Variants in ALK observed in about 807,000 individuals in gnomAD.
ALK encodes the protein ALK tyrosine kinase receptor.
A neutral mutation model predicts 163.1 loss-of-function variants in ALK; 74 were observed. That is an observed-to-expected ratio of 0.45 (90% CI 0.38 to 0.55). The LOEUF (loss-of-function observed/expected upper bound fraction) is 0.55. Among genes scored for constraint, ALK ranks in the 20% least tolerant of loss-of-function variants. The pLI, the probability that ALK is intolerant of heterozygous loss-of-function variation, is 0.00. For synonymous variants in ALK, 960 were observed against 843.2 expected, an observed-to-expected ratio of 1.14 and a Z score of -2.40; for missense variants, 2,063 against 2,105.3, an observed-to-expected ratio of 0.98 and a Z score of 0.39.
Position 29,193,623 on chromosome 2 carries a change from C to T in ALK, c.4464G>A (p.Glu1488=), listed in dbSNP as rs768683195. ...MAFSQSNPPS[E]LHKVHGSRNK... Reference sequence around the variant, plus strand: ...TTCTGGATCCGTGGACCTTGTGCAACTCCGAAGGAGGGTTGGACTGAGAGA... The same window carrying T: ...TTCTGGATCCGTGGACCTTGTGCAATTCCGAAGGAGGGTTGGACTGAGAGA... The change falls in exon 29 of 29, where the codon GAG becomes GAA. Residue 1488 remains glutamate (E), a synonymous_variant. Transcript: ENST00000389048. The T allele has an allele frequency of 6.2e-7, 1 of 1,614,246 alleles. No individual in the cohort carries two copies. The highest frequency in any genetic ancestry group is 8.5e-7 in the Non-Finnish European group (1 of 1,180,038).
At chr2:29,445,543 T>C (rs1404494600) in intron 4 of ALK, among the ~76,000 whole-genome samples, 1 of 152,226 alleles carries the variant, frequency 6.6e-6, no homozygotes, top group African/African-American at 2.4e-5. Context: ...CTGGGCATGG[T>C]GGCTCATGCT....
intron 1 of ALK, among the ~76,000 whole-genome samples, chr2:29,759,808 G>A (rs571928188): frequency 1.3e-5 from 2 of 152,252 alleles, no homozygotes; most frequent in South Asian, 2.1e-4. Flanking sequence ...TGCTTCCAAC[G>A]TCGAAAGCCA....
intron 4 of ALK, among the ~76,000 whole-genome samples, chr2:29,527,413 G>A (rs547929872): frequency 6.6e-6 from 1 of 152,242 alleles, no homozygotes; most frequent in African/African-American, 2.4e-5. Flanking sequence ...TGAGTTTGAG[G>A]GTTTCCTGAT....
chr2:29,771,069 A>G (rs1681009506), intron 1 of ALK, among the ~76,000 whole-genome samples: 1 of 152,112 alleles, frequency 6.6e-6, no homozygotes, highest in Non-Finnish European at 1.5e-5. Context: ...AAGCATTAAC[A>G]CAGACATGCA....
At chr2:29,383,319 G>A (rs1309170160) in intron 5 of ALK, among the ~76,000 whole-genome samples, 5 of 151,702 alleles carry the variant, frequency 3.3e-5, no homozygotes, top group Admixed American at 6.6e-5. Flanking sequence ...AAACACTCTA[G>A]ACTTTTTTTT....
At chr2:29,380,104 A>C (rs1573299685) in intron 5 of ALK, among the ~76,000 whole-genome samples, 3 of 140,980 alleles carry the variant, frequency 2.1e-5, no homozygotes, top group Admixed American at 2.1e-4. Flanking sequence ...GGTGCTGCAC[A>C]CTTTTTTTTT....
At chr2:29,350,115 T>G (rs891769229) in intron 5 of ALK, among the ~76,000 whole-genome samples, 1 of 152,230 alleles carries the variant, frequency 6.6e-6, no homozygotes, top group African/African-American at 2.4e-5. Context: ...TCTTACTTTA[T>G]GTATGTGTAA....
At chr2:29,898,939 G>GTAGT (rs1247300654) in intron 1 of ALK, among the ~76,000 whole-genome samples, 3 of 152,178 alleles carry the variant, frequency 2.0e-5, no homozygotes, top group Non-Finnish European at 4.4e-5. Flanking sequence ...TACCTGGCAG[G>GTAGT]CACTTCCTCC....
At chr2:29,537,211 A>C (rs1394444028) in intron 3 of ALK, among the ~76,000 whole-genome samples, 1 of 152,166 alleles carries the variant, frequency 6.6e-6, no homozygotes, top group Non-Finnish European at 1.5e-5. Flanking sequence ...CAAGACAATA[A>C]AAAAAAGATC....
intron 4 of ALK, 66 bp downstream of exon 4, chr2:29,531,849 G>C: frequency 3.3e-6 from 5 of 1,534,098 alleles, no homozygotes; most frequent in Non-Finnish European, 4.5e-6. Context: ...ACAGACTCTG[G>C]AAATGTGTAA....
chr2:29,331,521 C>G (rs965862375), intron 5 of ALK, among the ~76,000 whole-genome samples: 19 of 152,170 alleles, frequency 1.2e-4, no homozygotes, highest in African/African-American at 3.9e-4. Flanking sequence ...TGTAAAATGT[C>G]AAATTCATTT....
chr2:29,757,538 AT>A (rs1211948322), intron 1 of ALK, among the ~76,000 whole-genome samples: 2 of 151,716 alleles, frequency 1.3e-5, no homozygotes, highest in African/African-American at 4.9e-5. Flanking sequence ...AAAGCAAGTC[AT>A]TTTTTCATAT....
chr2:29,396,661 C>T (rs1015472539), intron 4 of ALK, among the ~76,000 whole-genome samples: 3 of 151,852 alleles, frequency 2.0e-5, no homozygotes, highest in Admixed American at 6.6e-5. Flanking sequence ...GATGACAGAG[C>T]GAGACTCCAT....
At chr2:29,541,935 C>T (rs191940914) in intron 3 of ALK, among the ~76,000 whole-genome samples, 19 of 152,338 alleles carry the variant, frequency 1.2e-4, no homozygotes, top group East Asian at 5.8e-4. Context: ...CTCCTCTTCC[C>T]TTCCTCCCAT....
intron 24 of ALK, 122 bp downstream of exon 24, chr2:29,213,862 A>G (rs1017639698): frequency 1.2e-6 from 1 of 833,306 alleles, no homozygotes; most frequent in Non-Finnish European, 2.1e-6. Context: ...CTACATCCAA[A>G]TGGCTCTGGA....
chr2:29,897,493 ACAT>A (rs755190699), intron 1 of ALK, among the ~76,000 whole-genome samples: 162 of 152,248 alleles, frequency 1.1e-3, no homozygotes, highest in Admixed American at 3.1e-3. Flanking sequence ...GTTACCAGGG[ACAT>A]CAGAGTGGGA....
At chr2:29,643,961 T>C (rs2339539) in intron 3 of ALK, among the ~76,000 whole-genome samples, 91,856 of 151,734 alleles carry the variant, frequency 0.61, 29,101 homozygotes, top group East Asian at 0.73. Flanking sequence ...ATGTTTATTG[T>C]GGCACTATTC....
At chr2:29,831,259 GGAA>G (rs201594262) in intron 1 of ALK, among the ~76,000 whole-genome samples, 1,322 of 28,118 alleles carry the variant, frequency 0.047, 184 homozygotes, top group African/African-American at 0.097. Flanking sequence ...AAGAGGAAGA[GGAA>G]GAAGAAGAAG....
chr2:29,816,317 T>C (rs1459518812), intron 1 of ALK, among the ~76,000 whole-genome samples: 1 of 152,290 alleles, frequency 6.6e-6, no homozygotes, highest in South Asian at 2.1e-4. Flanking sequence ...ACCTGTTTCC[T>C]TCTCTCTAGA....
Sources: gnomAD v4.1 joint callset for allele counts (sites outside exome capture counted in the v4.1 genomes callset) on GRCh38, gnomAD v4.1.1 for gene constraint, MANE v1.5 for transcripts, NCBI Gene and HGNC (gene_info 2026-07-23, HGNC 2026-07-21) for gene names.